The following STX18 variants were observed in gnomAD, a reference collection of about 807,000 sequenced individuals.
The protein encoded by STX18 is syntaxin 18.
STX18 carries 40 observed loss-of-function variants against 50.1 expected under a neutral mutation model. That is an observed-to-expected ratio of 0.80 (90% confidence interval 0.62 to 1.04). The LOEUF (loss-of-function observed/expected upper bound fraction) is 1.04, where lower values mean the gene tolerates loss of function less well. Among genes scored for constraint, STX18 ranks in the 50% least tolerant of loss-of-function variants. The probability of loss-of-function intolerance (pLI) is 0.00; values close to 1 mark genes in which losing one functional copy is unlikely to be tolerated. For synonymous variants in STX18, 158 were observed against 151.8 expected (o/e 1.04, Z -0.30); for missense variants, 410 against 415.8 (o/e 0.99, Z 0.12).
chr4:4,532,434 G>T (rs746763962), intron 1 of STX18, among the ~76,000 whole-genome samples: 38 of 151,116 alleles, frequency 2.5e-4, no homozygotes, highest in Non-Finnish European at 4.0e-4. Flanking sequence ...CACCAAAAAT[G>T]CTAACTTTGA....
rs781062189 is a variant in STX18, at chr4:4,419,697, T to C, written c.*337A>G. On this transcript the variant is annotated 3_prime_UTR_variant, in exon 11 of 11. Transcript: ENST00000306200. ...TTTGAACCCTGAGACAATTAGGGGC[T>C]CTTGAGGCCTGCTGTGCCCCTGCTG... The C allele has an allele frequency of 5.6e-5, 12 of 213,672 alleles. No individual in the cohort carries two copies. The highest frequency in any genetic ancestry group is 1.1e-4 in the Non-Finnish European group (12 of 107,078). 13.2% of individuals were successfully genotyped at this position (213,672 alleles called of 1,614,324 possible). A position where few individuals can be genotyped will look rare whatever the true frequency, so the allele number is the denominator to read the frequency against.
At chr4:4,483,889 G>C (rs1402253788) in intron 1 of STX18, among the ~76,000 whole-genome samples, 1 of 151,344 alleles carries the variant, frequency 6.6e-6, no homozygotes, top group Non-Finnish European at 1.5e-5. Flanking sequence ...GAGACAGAGT[G>C]TCGCTCCTGT....
intron 9 of STX18, among the ~76,000 whole-genome samples, chr4:4,421,202 C>T (rs1370145716): frequency 6.6e-6 from 1 of 152,164 alleles, no homozygotes; most frequent in Non-Finnish European, 1.5e-5. Context: ...AGCCACAAAT[C>T]CTCACAGCAC....
intron 9 of STX18, among the ~76,000 whole-genome samples, chr4:4,421,870 G>A (rs34465931): frequency 0.19 from 28,510 of 152,124 alleles, 5,420 homozygotes; most frequent in African/African-American, 0.49. Context: ...TACTCCAAAC[G>A]AAGCCTTGAA....
chr4:4,472,770 CAATAAACACTGTGGAATG>C (rs1025810458), intron 1 of STX18, among the ~76,000 whole-genome samples: 1 of 152,152 alleles, frequency 6.6e-6, no homozygotes, highest in Non-Finnish European at 1.5e-5. Flanking sequence ...CAGAGGTGAT[CAATAAACACTGTGGAATG>C]AGTATATGCC....
chr4:4,476,242 A>G (rs552055351), intron 1 of STX18: 32 of 152,096 alleles, frequency 2.1e-4, no homozygotes, highest in African/African-American at 6.1e-4. Flanking sequence ...GACAAAGAAT[A>G]GAGAATTCTG....
chr4:4,492,289 G>A lies in STX18; in HGVS notation c.169-20583C>T, dbSNP rs371313618. ...ATAAGAACCTTCTTTCGAACAGAAA[G>A]AATTTTCCACAGAGTATAGGTGGTA... On this transcript the variant is annotated intron_variant, in intron 1 of 10. Transcript: ENST00000306200. Among the ~76,000 whole-genome samples the A allele has an allele frequency of 2.9e-3, 438 of 152,216 alleles. 1 individual carries two copies. The highest frequency in any genetic ancestry group is 9.4e-3 in the African/African-American group (391 of 41,540).
chr4:4,507,511 C>A (rs1729771230), intron 1 of STX18: 1 of 768,694 alleles, frequency 1.3e-6, no homozygotes, highest in Admixed American at 1.7e-5. Context: ...TCTGCCTAAG[C>A]CAATTCGAAA....
At chr4:4,435,542 T>C (rs528771198) in intron 6 of STX18, among the ~76,000 whole-genome samples, 198 of 152,342 alleles carry the variant, frequency 1.3e-3, no homozygotes, top group Non-Finnish European at 1.7e-3. Context: ...ATCTTGGAGA[T>C]GGTCCAAGTA....
At chr4:4,501,043 A>G (rs1729434633) in intron 1 of STX18, among the ~76,000 whole-genome samples, 1 of 152,220 alleles carries the variant, frequency 6.6e-6, no homozygotes, top group Non-Finnish European at 1.5e-5. Flanking sequence ...CATATCAAAA[A>G]AAATAAAGTA....
chr4:4,524,550 T>C (rs1175218000), intron 1 of STX18, among the ~76,000 whole-genome samples: 1 of 152,172 alleles, frequency 6.6e-6, no homozygotes, highest in Non-Finnish European at 1.5e-5. Context: ...AGAGGGGGCA[T>C]TATGAGAAAG....
At chr4:4,452,360 A>G (rs1469349732) in intron 5 of STX18, among the ~76,000 whole-genome samples, 1 of 152,274 alleles carries the variant, frequency 6.6e-6, no homozygotes. Flanking sequence ...ACTAAACAAC[A>G]GATTTTCAAT....
chr4:4,518,565 G>A (rs1050300233), intron 1 of STX18, among the ~76,000 whole-genome samples: 2 of 152,080 alleles, frequency 1.3e-5, no homozygotes, highest in Non-Finnish European at 2.9e-5. Context: ...ACCAAAAATT[G>A]TGCCTTAATG....
chr4:4,458,780 C>CA (rs35679293), intron 3 of STX18, among the ~76,000 whole-genome samples: 11 of 151,794 alleles, frequency 7.2e-5, no homozygotes, highest in Non-Finnish European at 1.3e-4. Flanking sequence ...ATTTCATAGA[C>CA]AAAAAAACAA....
intron 1 of STX18, among the ~76,000 whole-genome samples, chr4:4,519,706 T>C (rs1447297134): frequency 6.6e-6 from 1 of 152,224 alleles, no homozygotes; most frequent in East Asian, 1.9e-4. Context: ...TAAATCATCA[T>C]CTACTCTGGA....
At chr4:4,432,024 G>A (rs1725543135) in intron 7 of STX18, among the ~76,000 whole-genome samples, 1 of 152,264 alleles carries the variant, frequency 6.6e-6, no homozygotes, top group Non-Finnish European at 1.5e-5. Flanking sequence ...GAACATGAAA[G>A]AAGCTGGAAA....
intron 2 of STX18, among the ~76,000 whole-genome samples, chr4:4,464,776 T>C (rs895512334): frequency 2.0e-5 from 3 of 151,966 alleles, no homozygotes; most frequent in Admixed American, 1.3e-4. Flanking sequence ...TTTCTAACTG[T>C]GTTTATTTAA....
In STX18 at chr4:4,525,762, G is replaced by T. The variant is rs79232224; in HGVS notation, c.168+16035C>A. Among the ~76,000 whole-genome samples, 811 of 152,206 alleles carry T rather than the reference G, an allele frequency of 5.3e-3. 3 individuals are homozygous for T. The highest frequency in any genetic ancestry group is 0.019 in the African/African-American group (784 of 41,512). On this transcript the variant is annotated intron_variant, in intron 1 of 10. Transcript: ENST00000306200. Reference sequence around the variant, plus strand: ...CACAATCGCAGCTGAAAGGTTAAGTGACAATGTTATTACTAGATAAAAACA... The same window carrying T: ...CACAATCGCAGCTGAAAGGTTAAGTTACAATGTTATTACTAGATAAAAACA...
intron 1 of STX18, among the ~76,000 whole-genome samples, chr4:4,491,930 C>T (rs2108865251): frequency 6.6e-6 from 1 of 152,228 alleles, no homozygotes; most frequent in Non-Finnish European, 1.5e-5. Flanking sequence ...AAGTATGTCA[C>T]ACTCCGGTTA....
Sources: allele counts gnomAD v4.1 joint callset (sites outside exome capture counted in the v4.1 genomes callset), GRCh38; gene constraint gnomAD v4.1.1; transcripts MANE v1.5; gene names NCBI Gene and HGNC (gene_info 2026-07-23, HGNC 2026-07-21).